Variants in SNX29 observed in about 807,000 individuals in gnomAD.
The protein encoded by SNX29 is sorting nexin 29, also known as sorting nexin-29.
In SNX29, 78 loss-of-function variants were observed where a neutral mutation model predicts 102.1. The observed-to-expected ratio is 0.76, with a 90% CI of 0.64 to 0.92. The LOEUF is 0.92. Among genes scored for constraint, SNX29 ranks in the 40% least tolerant of loss-of-function variants. The pLI is 0.00. For synonymous variants in SNX29, 580 were observed against 414.5 expected (o/e 1.40, Z -4.85); for missense variants, 1,280 against 1,061.7 (o/e 1.21, Z -2.86).
intron 19 of SNX29, among the ~76,000 whole-genome samples, chr16:12,479,724 ATGC>A (rs1237980095): frequency 1.3e-5 from 2 of 152,248 alleles, no homozygotes; most frequent in Non-Finnish European, 2.9e-5. Context: ...ACAAAACAAC[ATGC>A]TGCTAACCAG....
chr16:12,483,489 G>C (rs9674243), intron 19 of SNX29, among the ~76,000 whole-genome samples: 1 of 150,786 alleles, frequency 6.6e-6, no homozygotes, highest in Non-Finnish European at 1.5e-5. Flanking sequence ...GGTAATTTTT[G>C]TATTTTTTGT....
intron 15 of SNX29, among the ~76,000 whole-genome samples, chr16:12,308,922 A>G (rs950657989): frequency 6.6e-6 from 1 of 152,184 alleles, no homozygotes; most frequent in Non-Finnish European, 1.5e-5. Flanking sequence ...TAGGAAGGAG[A>G]GAATGAGTCG....
intron 20 of SNX29, among the ~76,000 whole-genome samples, chr16:12,548,344 C>T (rs558757781): frequency 1.3e-5 from 2 of 152,332 alleles, no homozygotes; most frequent in East Asian, 1.9e-4. Context: ...TGGGGAATGA[C>T]AGTGGGCACT....
chr16:12,413,474 G>A (rs908789605), intron 18 of SNX29, among the ~76,000 whole-genome samples: 1 of 152,038 alleles, frequency 6.6e-6, no homozygotes, highest in Non-Finnish European at 1.5e-5. Context: ...GAGGCCTGAG[G>A]CTACAGAGAA....
chr16:12,127,252 C>T (rs1301354413), intron 12 of SNX29, among the ~76,000 whole-genome samples: 1 of 147,614 alleles, frequency 6.8e-6, no homozygotes, highest in South Asian at 2.1e-4. Context: ...GAGCGAGCCT[C>T]TGTCTCAAAA....
intron 20 of SNX29, among the ~76,000 whole-genome samples, chr16:12,563,718 C>T (rs966683943): frequency 2.6e-5 from 4 of 152,322 alleles, no homozygotes; most frequent in Admixed American, 2.0e-4. Context: ...TGAGGAAAGC[C>T]AGAGATGGCA....
intron 14 of SNX29, among the ~76,000 whole-genome samples, chr16:12,251,265 A>C (rs952840846): frequency 1.3e-5 from 2 of 152,348 alleles, no homozygotes; most frequent in Middle Eastern, 3.4e-3. Context: ...TAAATGAGCT[A>C]ATGTGTGGCA....
In SNX29 at chr16:12,012,653, C is replaced by T. The variant is rs141631891; in HGVS notation, c.122+9610C>T. 9.5e-3 allele frequency among the ~76,000 whole-genome samples: 1,444 copies of T among 152,118 alleles called. 18 individuals are homozygous for T. The highest frequency in any genetic ancestry group is 0.032 in the African/African-American group (1,346 of 41,494). ...TAAACTCCTGACCTCGTGATCTGCC[C>T]GCCTCGGCCTCCCAAAGTGCTGGGA... On this transcript the variant is annotated intron_variant, in intron 3 of 20. Transcript: ENST00000566228.
At chr16:12,233,271 A>C (rs2077824953) in intron 14 of SNX29, among the ~76,000 whole-genome samples, 1 of 152,236 alleles carries the variant, frequency 6.6e-6, no homozygotes, top group African/African-American at 2.4e-5. Context: ...AAAAGAATGA[A>C]ATCTTGCCCT....
chr16:12,490,843 A>G (rs1012370248), intron 19 of SNX29, among the ~76,000 whole-genome samples: 1 of 152,260 alleles, frequency 6.6e-6, no homozygotes, highest in Non-Finnish European at 1.5e-5. Flanking sequence ...ACGTATAACC[A>G]TCCAGATTAA....
At chr16:12,456,712 A>G (rs1203910419) in intron 18 of SNX29, among the ~76,000 whole-genome samples, 1 of 152,038 alleles carries the variant, frequency 6.6e-6, no homozygotes, top group Non-Finnish European at 1.5e-5. Flanking sequence ...ATGTATATGT[A>G]TCTGGTGGAG....
chr16:12,526,134 T>C (rs537730193), intron 20 of SNX29, among the ~76,000 whole-genome samples: 3 of 152,330 alleles, frequency 2.0e-5, no homozygotes, highest in East Asian at 1.9e-4. Flanking sequence ...CGAGAAGCAC[T>C]GTTCTGGGTC....
intron 20 of SNX29, among the ~76,000 whole-genome samples, chr16:12,540,905 G>C (rs188905394): frequency 6.6e-6 from 1 of 152,330 alleles, no homozygotes; most frequent in East Asian, 1.9e-4. Context: ...GGGCTTCTCT[G>C]ACAGCCCTGT....
At chr16:12,292,044 A>T (rs2079815014) in intron 15 of SNX29, among the ~76,000 whole-genome samples, 1 of 152,204 alleles carries the variant, frequency 6.6e-6, no homozygotes, top group Non-Finnish European at 1.5e-5. Context: ...TGGCGCTGTC[A>T]GATCTGCTGG....
At position 12,296,170 on chromosome 16, in the gene SNX29, G is replaced by C. The variant is rs146667433; in HGVS notation, c.1782+18134G>C. Reference sequence around the variant, plus strand: ...CTGTGCTCTGGCTCGGGAGGAGAGGGAGATAACAGATCTCAGTTTCTCTGT... The same window carrying C: ...CTGTGCTCTGGCTCGGGAGGAGAGGCAGATAACAGATCTCAGTTTCTCTGT... On this transcript the variant is annotated intron_variant, in intron 15 of 20. Transcript: ENST00000566228. 8.4e-3 allele frequency among the ~76,000 whole-genome samples: 1,284 copies of C among 152,312 alleles called. 9 individuals are homozygous for C. Among genetic ancestry groups the C allele is most frequent in the Middle Eastern group, 0.017 (5 of 294 alleles).
At chr16:12,197,302 G>A (rs987550818) in intron 13 of SNX29, among the ~76,000 whole-genome samples, 18 of 152,244 alleles carry the variant, frequency 1.2e-4, no homozygotes, top group South Asian at 1.0e-3. Context: ...GGGCGTGGTG[G>A]CTCACACCTG....
chr16:12,517,207 G>A (rs1173771074), intron 19 of SNX29, among the ~76,000 whole-genome samples: 1 of 152,178 alleles, frequency 6.6e-6, no homozygotes, highest in Non-Finnish European at 1.5e-5. Flanking sequence ...TCCATACGCT[G>A]GGTTTGCCTC....
At chr16:12,470,775 T>A (rs2087300654) in intron 18 of SNX29, among the ~76,000 whole-genome samples, 1 of 152,214 alleles carries the variant, frequency 6.6e-6, no homozygotes, top group Admixed American at 6.5e-5. Context: ...CATCCTATAA[T>A]TAGCCCTAAT....
chr16:12,333,668 G>C (rs766582290), intron 15 of SNX29, among the ~76,000 whole-genome samples: 4 of 152,072 alleles, frequency 2.6e-5, no homozygotes, highest in Non-Finnish European at 5.9e-5. Flanking sequence ...TCCCAGTCCG[G>C]ACTCTCTAAT....
Sources: gnomAD v4.1 joint callset for allele counts (sites outside exome capture counted in the v4.1 genomes callset) on GRCh38, gnomAD v4.1.1 for gene constraint, MANE v1.5 for transcripts, NCBI Gene and HGNC (gene_info 2026-07-23, HGNC 2026-07-21) for gene names.